Variants in SLC24A3 observed in about 807,000 individuals in gnomAD.
The protein encoded by SLC24A3 is sodium/potassium/calcium exchanger 3.
In SLC24A3, 28 loss-of-function variants were observed where a neutral mutation model predicts 75.8. The observed-to-expected ratio is 0.37, with a 90% CI of 0.27 to 0.51. SLC24A3 has a LOEUF of 0.51. Ranked by LOEUF, SLC24A3 falls within the 20% of genes least tolerant of loss-of-function variation. The pLI, the probability that SLC24A3 is intolerant of heterozygous loss-of-function variation, is 0.94. For synonymous variants in SLC24A3, 372 were observed against 334.1 expected (o/e 1.11, Z -1.24); for missense variants, 663 against 847.8 (o/e 0.78, Z 2.71).
At chr20:19,576,817 G>A (rs542635761) in intron 3 of SLC24A3, among the ~76,000 whole-genome samples, 17 of 152,154 alleles carry the variant, frequency 1.1e-4, no homozygotes, top group African/African-American at 3.9e-4. Context: ...GTTTCAGTGA[G>A]TTGAATATGT....
At chr20:19,358,037 G>C (rs6046015) in intron 2 of SLC24A3, among the ~76,000 whole-genome samples, 64,522 of 152,098 alleles carry the variant, frequency 0.42, 13,923 homozygotes, top group Middle Eastern at 0.57. Context: ...AATGAAGGCA[G>C]ATGTGCCCTC....
At chr20:19,395,923 G>A (rs1053937476) in intron 2 of SLC24A3, among the ~76,000 whole-genome samples, 1 of 152,122 alleles carries the variant, frequency 6.6e-6, no homozygotes, top group Non-Finnish European at 1.5e-5. Flanking sequence ...TGGGGCTTTG[G>A]TCTTCTAGCT....
chr20:19,423,837 T>A (rs1469490455), intron 2 of SLC24A3, among the ~76,000 whole-genome samples: 2 of 152,042 alleles, frequency 1.3e-5, no homozygotes, highest in African/African-American at 4.8e-5. Flanking sequence ...GGATGCCAGG[T>A]TTGTCGGTAG....
intron 3 of SLC24A3, among the ~76,000 whole-genome samples, chr20:19,526,499 T>G (rs1429111456): frequency 6.6e-6 from 1 of 152,194 alleles, no homozygotes; most frequent in African/African-American, 2.4e-5. Context: ...CAGGCTATGG[T>G]CACTTCTTGT....
At chr20:19,409,315 G>T (rs1986704220) in intron 2 of SLC24A3, among the ~76,000 whole-genome samples, 1 of 152,190 alleles carries the variant, frequency 6.6e-6, no homozygotes, top group South Asian at 2.1e-4. Flanking sequence ...ACAGCTGCAG[G>T]GATAGTGGGT....
chr20:19,423,227 C>T (rs1055555196), intron 2 of SLC24A3, among the ~76,000 whole-genome samples: 5 of 152,106 alleles, frequency 3.3e-5, no homozygotes, highest in African/African-American at 9.7e-5. Context: ...TACTGGTCAT[C>T]CAGATGTTGT....
chr20:19,555,289 G>A (rs1002520119), intron 3 of SLC24A3, among the ~76,000 whole-genome samples: 1 of 152,170 alleles, frequency 6.6e-6, no homozygotes, highest in Non-Finnish European at 1.5e-5. Flanking sequence ...AAGAGGCTCA[G>A]TGGTGGCAGC....
At position 19,696,814 on chromosome 20, in the gene SLC24A3, C is replaced by T; in HGVS notation, c.1509C>T (p.Tyr503=). 7.4e-6 allele frequency: 12 copies of T among 1,614,006 alleles called. No homozygotes were observed. Among genetic ancestry groups the T allele is most frequent in the Non-Finnish European group, 1.0e-5 (12 of 1,179,918 alleles). ...MMVWMVTIIG[Y]TLGIPDVIMG... is the part of the protein sequence containing the mutation. ...CCTTCTAGGTCACAATCATTGGTTACACCCTGGGGATTCCTGACGTCATCA... is the reference window on the plus strand; with the variant it reads ...CCTTCTAGGTCACAATCATTGGTTATACCCTGGGGATTCCTGACGTCATCA... The change falls in exon 14 of 17, where the codon TAC becomes TAT. Residue 503 remains tyrosine, a synonymous_variant. Transcript: ENST00000328041.
chr20:19,270,651 C>A (rs1305206028), intron 1 of SLC24A3, among the ~76,000 whole-genome samples: 1 of 152,160 alleles, frequency 6.6e-6, no homozygotes, highest in Non-Finnish European at 1.5e-5. Flanking sequence ...GGTCTTATTA[C>A]CTAATTACCT....
intron 6 of SLC24A3, among the ~76,000 whole-genome samples, chr20:19,610,099 A>T (rs1346984672): frequency 6.6e-6 from 1 of 152,134 alleles, no homozygotes; most frequent in Non-Finnish European, 1.5e-5. Context: ...TTTTTGTGAC[A>T]GTTGGTACTT....
chr20:19,336,468 C>T (rs2030487720), intron 2 of SLC24A3, among the ~76,000 whole-genome samples: 1 of 151,952 alleles, frequency 6.6e-6, no homozygotes, highest in Non-Finnish European at 1.5e-5. Context: ...TCACTGCAAC[C>T]TCCGCCTCCC....
At chr20:19,422,290 T>A (rs1986930544) in intron 2 of SLC24A3, among the ~76,000 whole-genome samples, 1 of 152,152 alleles carries the variant, frequency 6.6e-6, no homozygotes, top group Non-Finnish European at 1.5e-5. Context: ...TTGGGTTTTT[T>A]AAATAAAGCT....
At chr20:19,651,371 TTATATATA>T (rs201410584) in intron 6 of SLC24A3, among the ~76,000 whole-genome samples, 8 of 105,924 alleles carry the variant, frequency 7.6e-5, no homozygotes, top group South Asian at 3.0e-4. Context: ...CTGGTTTTTA[TTATATATA>T]TATATATATA....
intron 2 of SLC24A3, among the ~76,000 whole-genome samples, chr20:19,481,331 G>A (rs1041607382): frequency 6.6e-6 from 1 of 152,200 alleles, no homozygotes; most frequent in Non-Finnish European, 1.5e-5. Flanking sequence ...ACACGTACTA[G>A]TGCTTAGTTT....
intron 3 of SLC24A3, among the ~76,000 whole-genome samples, chr20:19,546,344 T>C (rs1217140689): frequency 1.3e-5 from 2 of 152,096 alleles, no homozygotes; most frequent in Admixed American, 6.5e-5. Context: ...GACAAGGCTT[T>C]GCAGTGACTG....
chr20:19,534,057 C>T (rs192636985), intron 3 of SLC24A3, among the ~76,000 whole-genome samples: 2 of 152,334 alleles, frequency 1.3e-5, no homozygotes, highest in African/African-American at 2.4e-5. Flanking sequence ...TCTGAGATTC[C>T]GGAAGCCTTT....
intron 3 of SLC24A3, among the ~76,000 whole-genome samples, chr20:19,523,107 T>A (rs2030134764): frequency 6.6e-6 from 1 of 152,112 alleles, no homozygotes; most frequent in Admixed American, 6.5e-5. Flanking sequence ...AGGTACAAAA[T>A]CAACACACAA....
intron 2 of SLC24A3, among the ~76,000 whole-genome samples, chr20:19,478,442 G>A (rs1010747967): frequency 6.6e-6 from 1 of 152,114 alleles, no homozygotes; most frequent in African/African-American, 2.4e-5. Flanking sequence ...TGGGGTTTAG[G>A]TACATCCTCT....
chr20:19,219,293 G>T (rs1008137119), intron 1 of SLC24A3, among the ~76,000 whole-genome samples: 2 of 152,068 alleles, frequency 1.3e-5, no homozygotes, highest in East Asian at 1.9e-4. Context: ...ACCCTTGTAG[G>T]CTGTTCCTTC....
Sources: gnomAD v4.1 joint callset for allele counts (sites outside exome capture counted in the v4.1 genomes callset) on GRCh38, gnomAD v4.1.1 for gene constraint, MANE v1.5 for transcripts, NCBI Gene and HGNC (gene_info 2026-07-23, HGNC 2026-07-21) for gene names.